TMEM67: variants seen among roughly 807,000 people sequenced by gnomAD.
TMEM67 encodes meckelin.
TMEM67 carries 124 observed loss-of-function variants against 136.6 expected under a neutral mutation model. That is an observed-to-expected ratio of 0.91 (90% CI 0.78 to 1.05). The LOEUF (loss-of-function observed/expected upper bound fraction) is 1.05, where lower values mean the gene tolerates loss of function less well. TMEM67 is among the 50% of genes least tolerant of loss of function. TMEM67 has a pLI of 0.00. For missense variants in TMEM67, 1,107 were observed against 1,178.4 expected, an observed-to-expected ratio of 0.94 and a Z score of 0.89; for synonymous variants, 364 against 390.5, an observed-to-expected ratio of 0.93 and a Z score of 0.80.
chr8:93,765,679 T>TA (rs1813053638), intron 6 of TMEM67, 33 bp downstream of exon 6: 2 of 1,434,838 alleles, frequency 1.4e-6, no homozygotes, highest in Non-Finnish European at 2.0e-6. Context: ...GTTCTGTTGT[T>TA]AAAAAACTTT....
chr8:93,803,817 C>T, intron 22 of TMEM67, 133 bp downstream of exon 22: 1 of 668,808 alleles, frequency 1.5e-6, no homozygotes, highest in Non-Finnish European at 2.8e-6. Flanking sequence ...TTGTTAATTC[C>T]AGAGATAATT....
chr8:93,773,633 A>G (rs1343545399), intron 7 of TMEM67, among the ~76,000 whole-genome samples: 1 of 152,232 alleles, frequency 6.6e-6, no homozygotes, highest in East Asian at 1.9e-4. Flanking sequence ...AAAGTTTTTC[A>G]CATGAATAAC....
At chr8:93,800,769 A>G (rs563231172) in intron 21 of TMEM67, among the ~76,000 whole-genome samples, 3 of 152,278 alleles carry the variant, frequency 2.0e-5, no homozygotes, top group East Asian at 3.9e-4. Context: ...CTTTATAGTA[A>G]TAGGACAGAC....
chr8:93,807,124 G>A (rs943694801), intron 23 of TMEM67, among the ~76,000 whole-genome samples: 1 of 151,978 alleles, frequency 6.6e-6, no homozygotes, highest in African/African-American at 2.4e-5. Flanking sequence ...TTTTTGAAAA[G>A]CTAATACTTA....
rs367995763 is a variant in TMEM67, at chr8:93,793,326, T to A, written c.1674+30T>A. 154 of 1,560,754 alleles carry A rather than the reference T, an allele frequency of 9.9e-5. 1 individual carries two copies. In the African/African-American group the frequency reaches 1.8e-3, roughly 19 times the overall value. On this transcript the variant is annotated intron_variant, in intron 16 of 27. Transcript: ENST00000453321. ...AATCTCAGGAGTTTTTTAAGAATATTTTTATCTTTTGACCATTCTGGATCC... is the reference window on the plus strand; with the variant it reads ...AATCTCAGGAGTTTTTTAAGAATATATTTATCTTTTGACCATTCTGGATCC...
chr8:93,770,240 G>A (rs896708662), intron 6 of TMEM67, among the ~76,000 whole-genome samples: 3 of 151,950 alleles, frequency 2.0e-5, no homozygotes, highest in African/African-American at 4.8e-5. Context: ...AAATATATAC[G>A]CAAACACAAT....
chr8:93,807,665 C>G (rs1815214779), intron 23 of TMEM67, among the ~76,000 whole-genome samples: 1 of 151,728 alleles, frequency 6.6e-6, no homozygotes, highest in South Asian at 2.1e-4. Context: ...TCTGCAATGG[C>G]ATGAATATTT....
chr8:93,755,823 A>G lies in TMEM67; in HGVS notation c.269A>G (p.Asn90Ser), dbSNP rs1461948623. Reference protein sequence around the residue: ...CLPGFQMISNNGGPAIICKKC... With the variant: ...CLPGFQMISNSGGPAIICKKC... ...CCAGGATTTCAGATGATCTCTAATA[A>G]TGGAGGACCTGCTATTATTTGTAAA... The change falls in exon 2 of 28, where the codon AAT (asparagine) becomes AGT (serine). Residue 90 changes from asparagine to serine, a missense_variant. By Grantham distance (46) the Asn-to-Ser change is conservative (BLOSUM62 1). Transcript: ENST00000453321. 1.3e-5 allele frequency: 20 copies of G among 1,587,960 alleles called. No individual in the cohort carries two copies. The highest frequency in any genetic ancestry group is 1.7e-5 in the Non-Finnish European group (20 of 1,166,942).
chr8:93,781,463 A>G (rs1328282957), intron 9 of TMEM67, among the ~76,000 whole-genome samples, 195 bp from the exon 10 acceptor site: 1 of 152,090 alleles, frequency 6.6e-6, no homozygotes, highest in African/African-American at 2.4e-5. Flanking sequence ...CTAGAATAAT[A>G]ATTTTCATGC....
At chr8:93,765,700 TC>T in intron 6 of TMEM67, 54 bp downstream of exon 6, 2 of 1,166,844 alleles carry the variant, frequency 1.7e-6, no homozygotes. Context: ...CTACATTTCA[TC>T]CATTAGTAAT....
intron 15 of TMEM67, among the ~76,000 whole-genome samples, chr8:93,792,849 C>T (rs1814442882): frequency 1.3e-5 from 2 of 150,440 alleles, no homozygotes; most frequent in Admixed American, 6.6e-5. Flanking sequence ...TGGTGGCTCA[C>T]TGCAAGCTCC....
chr8:93,779,916 AC>A (rs1813735780), intron 7 of TMEM67, among the ~76,000 whole-genome samples: 1 of 152,164 alleles, frequency 6.6e-6, no homozygotes, highest in Non-Finnish European at 1.5e-5. Flanking sequence ...GAGCTGTCAG[AC>A]AGGGATGTTT....
chr8:93,786,220 AAGAC>A lies in TMEM67; in HGVS notation c.1289_1292del (p.Asp430AlafsTer8). 2 of 1,613,506 alleles carry A rather than the reference AAGAC, an allele frequency of 1.2e-6. No individual in the cohort carries two copies. The highest frequency in any genetic ancestry group is 1.7e-6 in the Non-Finnish European group (2 of 1,179,826). ...GTAAACTTTTTTCTTTTTATAATAA[AAGAC>A]AGCAACTCTGGAAAGTGGCTTCTAA... On this transcript the variant is annotated splice_acceptor_variant and coding_sequence_variant, in exon 13 of 28. Coordinates refer to ENST00000453321, the MANE Select transcript of TMEM67 (RefSeq NM_153704.6). LOFTEE classifies it high-confidence loss of function.
rs193023673 is a variant in TMEM67, at chr8:93,788,031, G to A, written c.1518+82G>A. On this transcript the variant is annotated intron_variant, in intron 14 of 27. Transcript: ENST00000453321. ...CAGTTTACATTTTGGTCAAAAGACA[G>A]TCTTTTTTTTTTTTTTAAGTTCTAA... 5,386 of 991,088 alleles carry A rather than the reference G, an allele frequency of 5.4e-3. 39 individuals are homozygous for A. Among genetic ancestry groups the A allele is most frequent in the Middle Eastern group, 0.026 (122 of 4,642 alleles). The allele number at this position is 991,088 out of a possible 1,614,324, so 61.4% of individuals were successfully genotyped here.
chr8:93,798,631 A>G (rs1176335847), intron 20 of TMEM67, among the ~76,000 whole-genome samples: 1 of 152,146 alleles, frequency 6.6e-6, no homozygotes, highest in African/African-American at 2.4e-5. Flanking sequence ...AATATAAATC[A>G]TTAACTCTTA....
chr8:93,782,283 T>C, intron 10 of TMEM67, 112 bp from the exon 11 acceptor site: 1 of 779,830 alleles, frequency 1.3e-6, no homozygotes, highest in Non-Finnish European at 2.2e-6. Flanking sequence ...ATATCCTTGA[T>C]ACATTAAATA....
intron 22 of TMEM67, among the ~76,000 whole-genome samples, chr8:93,804,310 C>CTTTTTTTTTTTTTT (rs1182297223): frequency 1.5e-4 from 14 of 93,796 alleles, no homozygotes; most frequent in African/African-American, 4.1e-4. Context: ...CTTTTCTTTT[C>CTTTTTTTTTTTTTT]TTTTTTTTTT....
chr8:93,798,299 A>G (rs1225654852), intron 20 of TMEM67, among the ~76,000 whole-genome samples: 1 of 152,202 alleles, frequency 6.6e-6, no homozygotes. Context: ...TTGATTTAGT[A>G]GCTTTGAGGT....
Position 93,755,971 on chromosome 8 carries a change from T to G in TMEM67, c.312+105T>G, listed in dbSNP as rs145124085. 3,856 of 665,902 alleles carry G rather than the reference T, an allele frequency of 5.8e-3. 22 individuals are homozygous for G. The highest frequency in any genetic ancestry group is 0.01 in the Middle Eastern group (24 of 2,394). The allele number at this position is 665,902 out of a possible 1,614,324, so 41.2% of individuals were successfully genotyped here. On this transcript the variant is annotated intron_variant, in intron 2 of 27. Transcript: ENST00000453321. The stretch of plus-strand genomic sequence containing the variant: ...ATGTTTAATGTTTCCCCACAGACTT[T>G]AAAATTACTATGCTAATTTTATTTT...
Sources: allele counts gnomAD v4.1 joint callset (sites outside exome capture counted in the v4.1 genomes callset), GRCh38; gene constraint gnomAD v4.1.1; transcripts MANE v1.5; gene names NCBI Gene and HGNC (gene_info 2026-07-23, HGNC 2026-07-21).